ARID4B: variants seen among roughly 807,000 people sequenced by gnomAD.
ARID4B encodes the protein AT-rich interaction domain 4B.
A neutral mutation model predicts 147.5 loss-of-function variants in ARID4B; 26 were observed. The ratio of observed to expected loss-of-function variants is 0.18; its 90% CI spans 0.13 to 0.24. The LOEUF (loss-of-function observed/expected upper bound fraction) is 0.24, where lower values mean the gene tolerates loss of function less well. ARID4B is among the 10% of genes least tolerant of loss of function. The pLI, the probability that ARID4B is intolerant of heterozygous loss-of-function variation, is 1.00. For missense variants in ARID4B, 1,179 were observed against 1,511.5 expected, an observed-to-expected ratio of 0.78 and a Z score of 3.65; for synonymous variants, 512 against 507.9, an observed-to-expected ratio of 1.01 and a Z score of -0.11.
chr1:235,268,595 A>G (rs1335461229), intron 2 of ARID4B, among the ~76,000 whole-genome samples: 1 of 151,980 alleles, frequency 6.6e-6, no homozygotes, highest in African/African-American at 2.4e-5. Context: ...ATGGTGTGAT[A>G]TCGGCTCACT....
At chr1:235,205,020 A>C (rs1401378478) in intron 17 of ARID4B, among the ~76,000 whole-genome samples, 6 of 152,234 alleles carry the variant, frequency 3.9e-5, no homozygotes, top group Non-Finnish European at 8.8e-5. Context: ...AATGGAAACC[A>C]CTGTCAAATG....
chr1:235,242,752 A>C (rs7539316), intron 7 of ARID4B, among the ~76,000 whole-genome samples: 19,963 of 152,192 alleles, frequency 0.13, 1,526 homozygotes, highest in African/African-American at 0.2. Flanking sequence ...AGAAAAACAA[A>C]ACACCTTTGT....
intron 2 of ARID4B, among the ~76,000 whole-genome samples, chr1:235,316,535 G>A (rs895637389): frequency 6.7e-6 from 1 of 148,470 alleles, no homozygotes; most frequent in Non-Finnish European, 1.5e-5. Context: ...ATTTATATAA[G>A]GCTGGGCACG....
intron 5 of ARID4B, among the ~76,000 whole-genome samples, chr1:235,255,262 GATATAT>G (rs1338290249): frequency 8.0e-4 from 45 of 56,364 alleles, no homozygotes; most frequent in African/African-American, 1.8e-3. Context: ...TAGATAGATA[GATATAT>G]ATCTCTCTCT....
chr1:235,309,731 A>T (rs1420832532), intron 2 of ARID4B, among the ~76,000 whole-genome samples: 2 of 152,064 alleles, frequency 1.3e-5, no homozygotes, highest in African/African-American at 2.4e-5. Context: ...TGGAATAGAA[A>T]GGGGGGAAAG....
chr1:235,296,388 A>C (rs1672708633), intron 2 of ARID4B: 1 of 152,246 alleles, frequency 6.6e-6, no homozygotes, highest in Non-Finnish European at 1.5e-5. Flanking sequence ...ACCATAAAAT[A>C]AATAAATAAA....
intron 8 of ARID4B, among the ~76,000 whole-genome samples, chr1:235,237,968 T>C (rs1668716673): frequency 6.6e-6 from 1 of 151,896 alleles, no homozygotes; most frequent in Non-Finnish European, 1.5e-5. Context: ...CTGACCGACA[T>C]GGAGAAACGC....
chr1:235,216,720 C>CA (rs979115797), intron 16 of ARID4B, among the ~76,000 whole-genome samples: 8 of 151,358 alleles, frequency 5.3e-5, no homozygotes, highest in Admixed American at 1.3e-4. Flanking sequence ...GCTAAAATAT[C>CA]AAAAAAATTA....
chr1:235,320,075 CG>C (rs1307919527), intron 2 of ARID4B, among the ~76,000 whole-genome samples: 1 of 151,224 alleles, frequency 6.6e-6, no homozygotes, highest in East Asian at 1.9e-4. Flanking sequence ...TGCAGTGAGC[CG>C]AGATCGTGCC....
chr1:235,317,321 C>G (rs1007785001), intron 2 of ARID4B, among the ~76,000 whole-genome samples: 2 of 152,162 alleles, frequency 1.3e-5, no homozygotes, highest in African/African-American at 4.8e-5. Flanking sequence ...TGGGTTTCAT[C>G]AAGAATCTGA....
At chr1:235,224,282 T>C (rs994859869) in intron 12 of ARID4B, among the ~76,000 whole-genome samples, 2 of 152,212 alleles carry the variant, frequency 1.3e-5, no homozygotes, top group African/African-American at 4.8e-5. Context: ...ATTAGTTCAT[T>C]ACCCTAAGTT....
At chr1:235,195,052 T>A (rs1665399168) in intron 18 of ARID4B, among the ~76,000 whole-genome samples, 1 of 152,054 alleles carries the variant, frequency 6.6e-6, no homozygotes, top group South Asian at 2.1e-4. Context: ...CTCTTAAAAA[T>A]TTTGTTGATT....
chr1:235,255,686 A>T lies in ARID4B; in HGVS notation c.248T>A (p.Leu83Gln), dbSNP rs1669939221. 6.2e-7 allele frequency: 1 copy of T among 1,611,232 alleles called. No homozygotes were observed. Among genetic ancestry groups the T allele is most frequent in the African/African-American group, 1.3e-5 (1 of 74,830 alleles). The change falls in exon 5 of 24, where the codon CTA (leucine) becomes CAA (glutamine). Residue 83 changes from leucine to glutamine, a missense_variant. By Grantham distance (113) the Leu-to-Gln change is moderately radical. Coordinates refer to ENST00000264183, the MANE Select transcript of ARID4B (RefSeq NM_016374.6). ...TACAGTGTACCAACTCGCATCTGTT[A>T]GTTTATTGATAACAGCTTCCTGATA... ...GAYQEAVINK[L>Q]TDASWYTVVF... is the part of the protein sequence containing the mutation.
At chr1:235,224,663 C>T in intron 12 of ARID4B, 40 bp downstream of exon 12, 1 of 1,368,784 alleles carries the variant, frequency 7.3e-7, no homozygotes, top group South Asian at 1.2e-5. Flanking sequence ...AATTATCTGT[C>T]CAAAACTTAC....
At chr1:235,225,840 A>AT (rs912777907) in intron 11 of ARID4B, among the ~76,000 whole-genome samples, 20 of 150,898 alleles carry the variant, frequency 1.3e-4, no homozygotes, top group African/African-American at 2.7e-4. Context: ...AAGAAAGGTA[A>AT]TTTTTTTTTT....
intron 6 of ARID4B, among the ~76,000 whole-genome samples, chr1:235,249,576 A>G (rs1669510882): frequency 6.6e-6 from 1 of 151,976 alleles, no homozygotes; most frequent in Non-Finnish European, 1.5e-5. Context: ...CAGGCAGATC[A>G]TGAGGTCAGG....
At chr1:235,176,437 C>CAAAAAAAAAAA (rs34808765) in intron 21 of ARID4B, among the ~76,000 whole-genome samples, 11 of 22,534 alleles carry the variant, frequency 4.9e-4, no homozygotes, top group African/African-American at 9.9e-4. Context: ...ACAACATCAC[C>CAAAAAAAAAAA]AAAAAAAAAA....
intron 7 of ARID4B, among the ~76,000 whole-genome samples, chr1:235,241,097 G>C (rs1203881186): frequency 1.3e-5 from 2 of 152,002 alleles, no homozygotes; most frequent in East Asian, 3.8e-4. Context: ...GAAGAAAAAG[G>C]AAGTATCTGA....
chr1:235,174,023 G>A (rs1200458099), intron 22 of ARID4B, among the ~76,000 whole-genome samples: 1 of 149,880 alleles, frequency 6.7e-6, no homozygotes, highest in Admixed American at 6.7e-5. Context: ...TCAAATTACC[G>A]ACATCATATC....
Sources: allele counts gnomAD v4.1 joint callset (sites outside exome capture counted in the v4.1 genomes callset), GRCh38; gene constraint gnomAD v4.1.1; transcripts MANE v1.5; gene names NCBI Gene and HGNC (gene_info 2026-07-23, HGNC 2026-07-21).